The following PITPNM3 variants were observed in gnomAD, a reference collection of about 807,000 sequenced individuals.
PITPNM3 encodes the protein membrane-associated phosphatidylinositol transfer protein 3.
A neutral mutation model predicts 102.0 loss-of-function variants in PITPNM3; 26 were observed. The ratio of observed to expected loss-of-function variants is 0.25; its 90% CI spans 0.19 to 0.35. PITPNM3 has a LOEUF of 0.35. Among genes scored for constraint, PITPNM3 ranks in the 10% least tolerant of loss-of-function variants. PITPNM3 has a pLI of 1.00. For missense variants in PITPNM3, 1,083 were observed against 1,346.1 expected (o/e 0.80, Z 3.06); for synonymous variants, 578 against 558.6 (o/e 1.03, Z -0.49).
At chr17:6,461,939 C>T (rs961701111) in intron 17 of PITPNM3, among the ~76,000 whole-genome samples, 12 of 152,114 alleles carry the variant, frequency 7.9e-5, no homozygotes, top group African/African-American at 2.9e-4. Context: ...AGCCCTCTCA[C>T]TTAAGCCTTG....
Position 6,483,627 on chromosome 17 carries a change from G to A in PITPNM3, c.477C>T (p.Ser159=), listed in dbSNP as rs34897053. The A allele has an allele frequency of 0.033, 52,801 of 1,614,062 alleles. 1,644 individuals carry two copies. Among genetic ancestry groups the A allele is most frequent in the South Asian group, 0.12 (10,784 of 91,070 alleles). The change falls in exon 6 of 20, where the codon TCC becomes TCT. Residue 159 remains serine, a synonymous_variant. Transcript: ENST00000262483. ...GGGCTCGTGTGACCTTCTCCAGCAC[G>A]GAGCTGAAGGTGTGGATGTCGGCTG... ...CKAADIHTFS[S]VLEKVTRAHF...
intron 3 of PITPNM3, among the ~76,000 whole-genome samples, chr17:6,508,114 CG>C (rs1907649416): frequency 6.6e-6 from 1 of 151,448 alleles, no homozygotes; most frequent in African/African-American, 2.5e-5. Context: ...GGAAGAAGCT[CG>C]GGGACCCAGG....
intron 6 of PITPNM3, chr17:6,481,608 G>A (rs971461083): frequency 6.6e-6 from 1 of 152,078 alleles, no homozygotes; most frequent in African/African-American, 2.4e-5. Context: ...CTTAGCCGTG[G>A]TATGCAAACC....
At chr17:6,491,156 T>C (rs1172000303) in intron 4 of PITPNM3, among the ~76,000 whole-genome samples, 8 of 146,398 alleles carry the variant, frequency 5.5e-5, no homozygotes, top group Non-Finnish European at 1.0e-4. Context: ...AGAGCTCTGA[T>C]AGGTACTCTT....
rs1416306549 is a variant in PITPNM3 at position 6,548,756 on chromosome 17, G to A, written c.22+7629C>T. On this transcript the variant is annotated intron_variant, in intron 1 of 19. Transcript: ENST00000262483. Reference sequence around the variant, plus strand: ...CCCAAGGAGGGCAGGAGTGCAGGACGTGACGTGCTCTGCAAATACCCAGAG... The same window carrying A: ...CCCAAGGAGGGCAGGAGTGCAGGACATGACGTGCTCTGCAAATACCCAGAG... Among the ~76,000 whole-genome samples, 5 of 152,218 alleles carry A rather than the reference G, an allele frequency of 3.3e-5. No individual in the cohort carries two copies. In the East Asian group the frequency reaches 9.7e-4, roughly 29 times the overall value.
intron 4 of PITPNM3, among the ~76,000 whole-genome samples, chr17:6,490,490 T>A (rs1017179679): frequency 7.9e-5 from 12 of 152,098 alleles, no homozygotes; most frequent in Non-Finnish European, 1.5e-4. Flanking sequence ...AGAGTCACAA[T>A]GATGGAGTCA....
chr17:6,505,203 T>C lies in PITPNM3; in HGVS notation c.227-1629A>G, dbSNP rs925822801. ...AAAAAGAAGACAAATAAAATATATA[T>C]ATATATATATATGTAAAGCCTTCAG... On this transcript the variant is annotated intron_variant, in intron 3 of 19. Coordinates refer to ENST00000262483, the MANE Select transcript of PITPNM3 (RefSeq NM_031220.4). Among the ~76,000 whole-genome samples, 41 of 145,738 alleles carry C rather than the reference T, an allele frequency of 2.8e-4. 1 individual carries two copies. The highest frequency in any genetic ancestry group is 1.0e-3 in the African/African-American group (40 of 38,914).
At chr17:6,515,215 G>A (rs949904010) in intron 3 of PITPNM3, among the ~76,000 whole-genome samples, 1 of 151,888 alleles carries the variant, frequency 6.6e-6, no homozygotes, top group Non-Finnish European at 1.5e-5. Context: ...GGCCAACATA[G>A]TGAAACCCTG....
chr17:6,455,751 A>ATGGGAG (rs1914085332), intron 19 of PITPNM3, 108 bp from the exon 20 acceptor site: 1 of 44,304 alleles, frequency 2.3e-5, no homozygotes, highest in South Asian at 9.0e-4. Context: ...AGGGAGAAGA[A>ATGGGAG]GGGAAGCGGA....
intron 3 of PITPNM3, among the ~76,000 whole-genome samples, chr17:6,508,893 C>T (rs1907705850): frequency 6.6e-6 from 1 of 152,198 alleles, no homozygotes; most frequent in African/African-American, 2.4e-5. Context: ...TTGAACCTGG[C>T]TTCCTGATTT....
At chr17:6,461,053 GCA>G (rs1241500306) in intron 18 of PITPNM3, 1 of 420,496 alleles carries the variant, frequency 2.4e-6, no homozygotes, top group Non-Finnish European at 4.5e-6. Context: ...GCCCCAACAA[GCA>G]CAGAGTAAGG....
At chr17:6,523,988 G>T (rs1166222241) in intron 3 of PITPNM3, among the ~76,000 whole-genome samples, 1 of 152,214 alleles carries the variant, frequency 6.6e-6, no homozygotes, top group African/African-American at 2.4e-5. Context: ...ACCAGCTTGG[G>T]GGACTTTGGG....
At chr17:6,490,962 CAA>C (rs755419317) in intron 4 of PITPNM3, among the ~76,000 whole-genome samples, 2 of 51,670 alleles carry the variant, frequency 3.9e-5, no homozygotes, top group Admixed American at 2.4e-4. Flanking sequence ...ACTCTGTCAC[CAA>C]AAAAAAAAAA....
At chr17:6,544,351 C>A (rs1909893244) in intron 1 of PITPNM3, among the ~76,000 whole-genome samples, 1 of 151,996 alleles carries the variant, frequency 6.6e-6, no homozygotes, top group African/African-American at 2.4e-5. Context: ...AAAGTGAGAC[C>A]CCATCTGTAC....
chr17:6,459,229 T>C lies in PITPNM3; in HGVS notation c.2491-1507A>G, dbSNP rs1039709520. 6.6e-6 allele frequency among the ~76,000 whole-genome samples: 1 copy of C among 152,140 alleles called. No individual in the cohort carries two copies. Among genetic ancestry groups the C allele is most frequent in the Admixed American group, 6.5e-5 (1 of 15,268 alleles). On this transcript the variant is annotated intron_variant, in intron 18 of 19. Coordinates refer to ENST00000262483, the MANE Select transcript of PITPNM3 (RefSeq NM_031220.4). The surrounding 1 kb of genome is among the most constrained non-coding windows in gnomAD (Gnocchi z 5.0). ...GCCCCCTTGTCCTTCCGAACTGTCT[T>C]TTCCTCACAAGGTCATCTGGTGGCC...
intron 1 of PITPNM3, among the ~76,000 whole-genome samples, chr17:6,547,092 T>C (rs970418015): frequency 1.3e-5 from 2 of 152,090 alleles, no homozygotes; most frequent in Non-Finnish European, 2.9e-5. Flanking sequence ...GTCTTCACGA[T>C]AGCCCAGGGA....
chr17:6,534,903 C>T (rs1226296853), intron 2 of PITPNM3, among the ~76,000 whole-genome samples: 1 of 152,106 alleles, frequency 6.6e-6, no homozygotes, highest in Non-Finnish European at 1.5e-5. Context: ...CCCAGGGCAG[C>T]ACGAAGCCCA....
rs557066064 is a variant in PITPNM3 at position 6,477,967 on chromosome 17, G to T, written c.900+8C>A. On this transcript the variant is annotated splice_region_variant and intron_variant, in intron 8 of 19. Coordinates refer to ENST00000262483, the MANE Select transcript of PITPNM3 (RefSeq NM_031220.4). The stretch of plus-strand genomic sequence containing the variant: ...TACCCCTCCCGCGGTCCTGTCCCCC[G>T]GCTGTACCTGGGTGCTGCTGATGCT... 1.2e-6 allele frequency: 2 copies of T among 1,612,044 alleles called. No homozygotes were observed. Among genetic ancestry groups the T allele is most frequent in the Admixed American group, 3.3e-5 (2 of 60,028 alleles).
rs1329195978 is a variant in PITPNM3 at position 6,556,306 on chromosome 17, C to G, written c.22+79G>C. On this transcript the variant is annotated intron_variant, in intron 1 of 19. Transcript: ENST00000262483. This position sits in a 1 kb window ranked among gnomAD's most constrained non-coding sequence, Gnocchi z 5.2. ...CCGCCCACCTGCGCGAGGGGTTCAC[C>G]TGGGCCGGCGGCCCCTCCTCTAGAC... 23 of 1,274,984 alleles carry G rather than the reference C, an allele frequency of 1.8e-5. No homozygotes were observed. Among genetic ancestry groups the G allele is most frequent in the Non-Finnish European group, 2.3e-5 (22 of 967,438 alleles). 79.0% of individuals were successfully genotyped at this position (1,274,984 alleles called of 1,614,324 possible). A position where few individuals can be genotyped will look rare whatever the true frequency, so the allele number is the denominator to read the frequency against.
Sources: allele counts gnomAD v4.1 joint callset (sites outside exome capture counted in the v4.1 genomes callset), GRCh38; gene constraint gnomAD v4.1.1; non-coding constraint Gnocchi (gnomAD v3.1); transcripts MANE v1.5; gene names NCBI Gene and HGNC (gene_info 2026-07-23, HGNC 2026-07-21).